Variants in ABRAXAS1 observed in about 807,000 individuals in gnomAD.
The protein encoded by ABRAXAS1 is abraxas 1, BRCA1 A complex subunit.
ABRAXAS1 carries 26 observed loss-of-function variants against 38.4 expected under a neutral mutation model. That is an observed-to-expected ratio of 0.68 (90% CI 0.50 to 0.94). ABRAXAS1 has a LOEUF of 0.94. Ranked by LOEUF, ABRAXAS1 falls within the 40% of genes least tolerant of loss-of-function variation. The pLI is 0.00. For synonymous variants in ABRAXAS1, 144 were observed against 165.5 expected (o/e 0.87, Z 1.00); for missense variants, 438 against 481.9 (o/e 0.91, Z 0.85).
rs1258400231 is a variant in ABRAXAS1 at position 83,460,430 on chromosome 4, CAGGT to C, written c.*2035_*2038del. ...TAGGCCTCCCAAAGTGCTGGGATTA[CAGGT>C]GTGAGCCACTGCACCCAACCCCACT... On this transcript the variant is annotated 3_prime_UTR_variant, in exon 9 of 9. Coordinates refer to ENST00000321945, the MANE Select transcript of ABRAXAS1 (RefSeq NM_139076.3). 6.6e-6 allele frequency: 1 copy of C among 151,406 alleles called. No individual in the cohort carries two copies. Among genetic ancestry groups the C allele is most frequent in the Admixed American group, 6.6e-5 (1 of 15,140 alleles). The allele number at this position is 151,406 out of a possible 1,614,324, so 9.4% of individuals were successfully genotyped here.
At chr4:83,467,640 C>A in intron 6 of ABRAXAS1, 102 bp from the exon 7 acceptor site, 1 of 671,966 alleles carries the variant, frequency 1.5e-6, no homozygotes, top group Non-Finnish European at 2.6e-6. Flanking sequence ...AGTCTTTTTA[C>A]TGGTTTTGTA....
At chr4:83,484,000 A>G (rs761426103) in intron 1 of ABRAXAS1, 40 of 982,146 alleles carry the variant, frequency 4.1e-5, no homozygotes, top group Non-Finnish European at 4.7e-5. Flanking sequence ...ACCAATTCCA[A>G]CCTTTATTAG....
rs768298191 is a variant in ABRAXAS1, at chr4:83,461,175, G to GT, written c.*1293dup. The GT allele has an allele frequency of 1.1e-4, 182 of 1,612,426 alleles. No homozygotes were observed. Among genetic ancestry groups the GT allele is most frequent in the Non-Finnish European group, 1.5e-4 (180 of 1,179,626 alleles). ...GCATATCTCAAGGACCCTAAAGTTT[G>GT]TAACATCAGATATCGGGAATAAATT... On this transcript the variant is annotated 3_prime_UTR_variant, in exon 9 of 9. Transcript: ENST00000321945.
intron 1 of ABRAXAS1, chr4:83,483,940 T>TA (rs1270105953): frequency 9.2e-6 from 7 of 757,882 alleles, no homozygotes; most frequent in Non-Finnish European, 1.1e-5. Context: ...TATTTGTTCT[T>TA]TATTAGGTAT....
At chr4:83,465,318 A>G (rs2110035624) in intron 7 of ABRAXAS1, among the ~76,000 whole-genome samples, 1 of 149,480 alleles carries the variant, frequency 6.7e-6, no homozygotes, top group African/African-American at 2.5e-5. Context: ...AAAAAAAAAA[A>G]AGAAGAAACT....
At chr4:83,468,078 G>A (rs1392343433) in intron 6 of ABRAXAS1, among the ~76,000 whole-genome samples, 2 of 152,082 alleles carry the variant, frequency 1.3e-5, no homozygotes, top group Non-Finnish European at 2.9e-5. Context: ...TGAGGCAGGC[G>A]GATCACCTGA....
chr4:83,466,182 C>T (rs193001518), intron 7 of ABRAXAS1, among the ~76,000 whole-genome samples: 1 of 152,332 alleles, frequency 6.6e-6, no homozygotes, highest in African/African-American at 2.4e-5. Flanking sequence ...TTCCTAACCA[C>T]TTGTCTTCTT....
At position 83,470,390 on chromosome 4, in the gene ABRAXAS1, C is replaced by T. The variant is rs367592316; in HGVS notation, c.289G>A (p.Val97Ile). ...KILSNVKKNV[V>I]GWYKFRRHSD... ...TGACGACGGAATTTGTACCAACCTA[C>T]CACATTCTGAAATACAGAATAAAAA... The change falls in exon 5 of 9, where the codon GTA (valine) becomes ATA (isoleucine). Residue 97 changes from valine to isoleucine, a missense_variant. Physicochemically the swap from Val to Ile is conservative, Grantham distance 29 (BLOSUM62 3). Coordinates refer to ENST00000321945, the MANE Select transcript of ABRAXAS1 (RefSeq NM_139076.3). 6.2e-6 allele frequency: 10 copies of T among 1,609,990 alleles called. No homozygotes were observed. The African/African-American group carries it at 1.2e-4, about 19-fold the overall frequency.
chr4:83,483,224 T>C (rs1723058021), intron 1 of ABRAXAS1, among the ~76,000 whole-genome samples: 1 of 152,136 alleles, frequency 6.6e-6, no homozygotes, highest in Non-Finnish European at 1.5e-5. Context: ...GGGAATTCAA[T>C]TTCTCTAGGC....
intron 4 of ABRAXAS1, among the ~76,000 whole-genome samples, chr4:83,471,972 TATAAG>T (rs1722605399): frequency 6.6e-6 from 1 of 152,098 alleles, no homozygotes. Context: ...GTGGTGGAAA[TATAAG>T]AGAAAGAGAT....
chr4:83,471,191 CTTTTTTTTTTTTTTTT>C (rs869128932), intron 4 of ABRAXAS1, among the ~76,000 whole-genome samples: 4 of 58,170 alleles, frequency 6.9e-5, no homozygotes, highest in African/African-American at 2.0e-4. Context: ...AAAGAAACAT[CTTTTTTTTTTTTTTTT>C]TTTTTTTTTT....
chr4:83,462,423 T>TTACC lies in ABRAXAS1; in HGVS notation c.*42_*45dup. On this transcript the variant is annotated 3_prime_UTR_variant, in exon 9 of 9. Transcript: ENST00000321945. ...GTAAAAACAATAGAAATGTTTGGCT[T>TTACC]TACCCATCAGCCAAATAAAAAAATC... 1 of 1,492,946 alleles carries TTACC rather than the reference T, an allele frequency of 6.7e-7. No homozygotes were observed. Among genetic ancestry groups the TTACC allele is most frequent in the Middle Eastern group, 1.8e-4 (1 of 5,546 alleles). 92.5% of individuals were successfully genotyped at this position (1,492,946 alleles called of 1,614,324 possible).
chr4:83,465,511 G>T (rs1040162604), intron 7 of ABRAXAS1, among the ~76,000 whole-genome samples: 3 of 152,116 alleles, frequency 2.0e-5, no homozygotes, highest in Admixed American at 6.5e-5. Flanking sequence ...TTCCAGGCTG[G>T]ATGTGGTGGC....
chr4:83,482,422 G>A (rs1310001897), intron 1 of ABRAXAS1, among the ~76,000 whole-genome samples, 178 bp from the exon 2 acceptor site: 8 of 152,216 alleles, frequency 5.3e-5, no homozygotes, highest in African/African-American at 1.9e-4. Context: ...AAATAAAAAT[G>A]AGAAGAGGCT....
chr4:83,462,655 G>C lies in ABRAXAS1; in HGVS notation c.1044C>G (p.Ala348=), dbSNP rs1207122063. Reference sequence around the variant, plus strand: ...ATTGCCATCTGTCATCTAAGTCTAAGGCTTTATGCTTAATGATTTGTGGTG... The same window carrying C: ...ATTGCCATCTGTCATCTAAGTCTAACGCTTTATGCTTAATGATTTGTGGTG... The part of the protein sequence containing the change: ...ASTPQIIKHK[A]LDLDDRWQFK... The change falls in exon 9 of 9, where the codon GCC becomes GCG. Residue 348 remains alanine, a synonymous_variant. Transcript: ENST00000321945. 6.2e-7 allele frequency: 1 copy of C among 1,613,866 alleles called. No homozygotes were observed. The highest frequency in any genetic ancestry group is 8.5e-7 in the Non-Finnish European group (1 of 1,179,994).
At chr4:83,465,838 G>A (rs575078288) in intron 7 of ABRAXAS1, among the ~76,000 whole-genome samples, 5 of 152,134 alleles carry the variant, frequency 3.3e-5, no homozygotes, top group South Asian at 4.1e-4. Context: ...TAAAATTCCC[G>A]TTTCATATGA....
intron 2 of ABRAXAS1, chr4:83,478,124 A>G: frequency 2.5e-6 from 2 of 797,306 alleles, no homozygotes; most frequent in East Asian, 6.0e-5. Context: ...GAAGCACTTA[A>G]TATTGTCAGG....
chr4:83,468,466 T>C (rs556090329), intron 6 of ABRAXAS1, among the ~76,000 whole-genome samples: 59 of 152,262 alleles, frequency 3.9e-4, no homozygotes, highest in African/African-American at 1.4e-3. Flanking sequence ...ATAGTACCAG[T>C]GTTGCTGTTT....
At chr4:83,463,257 C>T (rs964797236) in intron 8 of ABRAXAS1, among the ~76,000 whole-genome samples, 4 of 152,026 alleles carry the variant, frequency 2.6e-5, no homozygotes, top group African/African-American at 9.7e-5. Flanking sequence ...TGGTGAAACC[C>T]TGTCTCTATT....
Sources: allele counts gnomAD v4.1 joint callset (sites outside exome capture counted in the v4.1 genomes callset), GRCh38; gene constraint gnomAD v4.1.1; transcripts MANE v1.5; gene names NCBI Gene and HGNC (gene_info 2026-07-23, HGNC 2026-07-21).